The following SNX29 variants were observed in gnomAD, a reference collection of about 807,000 sequenced individuals.
The protein encoded by SNX29 is sorting nexin 29.
A neutral mutation model predicts 102.1 loss-of-function variants in SNX29; 78 were observed. The observed-to-expected ratio is 0.76, with a 90% confidence interval of 0.64 to 0.92. The LOEUF is 0.92. Among genes scored for constraint, SNX29 ranks in the 40% least tolerant of loss-of-function variants. The pLI, the probability that SNX29 is intolerant of heterozygous loss-of-function variation, is 0.00. For synonymous variants in SNX29, 580 were observed against 414.5 expected (o/e 1.40, Z -4.85); for missense variants, 1,280 against 1,061.7 (o/e 1.21, Z -2.86).
intron 18 of SNX29, among the ~76,000 whole-genome samples, chr16:12,430,385 C>G (rs574411948): frequency 6.6e-6 from 1 of 152,324 alleles, no homozygotes; most frequent in South Asian, 2.1e-4. Context: ...GGGACACTTA[C>G]ATCAGTTGCT....
At chr16:12,521,892 G>A (rs552821025) in intron 19 of SNX29, among the ~76,000 whole-genome samples, 1 of 152,324 alleles carries the variant, frequency 6.6e-6, no homozygotes, top group South Asian at 2.1e-4. Flanking sequence ...CCCGCCTCCT[G>A]CCAGGGTGTG....
chr16:12,416,935 C>G (rs1337131005), intron 18 of SNX29, among the ~76,000 whole-genome samples: 2 of 145,440 alleles, frequency 1.4e-5, no homozygotes, highest in East Asian at 3.8e-4. Flanking sequence ...ACAAACATAT[C>G]AACCCCATAA....
intron 14 of SNX29, among the ~76,000 whole-genome samples, chr16:12,229,102 C>T (rs551881319): frequency 1.3e-5 from 2 of 152,352 alleles, no homozygotes; most frequent in African/African-American, 4.8e-5. Flanking sequence ...GTACCTTGCC[C>T]CCTTCAGCAT....
intron 14 of SNX29, among the ~76,000 whole-genome samples, chr16:12,217,575 A>C (rs1339544408): frequency 6.6e-6 from 1 of 152,206 alleles, no homozygotes; most frequent in East Asian, 1.9e-4. Flanking sequence ...GCAGTGACTC[A>C]TCCCTGTTTG....
At chr16:12,550,194 G>A (rs182853325) in intron 20 of SNX29, among the ~76,000 whole-genome samples, 15 of 152,310 alleles carry the variant, frequency 9.8e-5, no homozygotes, top group Admixed American at 9.2e-4. Flanking sequence ...TTATTACTAA[G>A]AGGATAAAGC....
At chr16:12,182,716 G>C (rs926179728) in intron 13 of SNX29, among the ~76,000 whole-genome samples, 3 of 152,006 alleles carry the variant, frequency 2.0e-5, no homozygotes, top group Admixed American at 2.0e-4. Context: ...GATCACTTGA[G>C]GTCAGGAGTT....
At chr16:12,384,577 C>A (rs771605430) in intron 16 of SNX29, among the ~76,000 whole-genome samples, 30 of 152,094 alleles carry the variant, frequency 2.0e-4, no homozygotes, top group Middle Eastern at 6.8e-3. Context: ...AGATTTTTTT[C>A]TTGTTGAGTT....
Position 12,493,948 on chromosome 16 carries a change from C to T in SNX29, c.2178+16089C>T, listed in dbSNP as rs551781749. On this transcript the variant is annotated intron_variant, in intron 19 of 20. Transcript: ENST00000566228. ...TTACCGATAAGACTGATGATCTGCT[C>T]GTGATTTTTAGCCATTTGGATTTCT... Among the ~76,000 whole-genome samples, 8 of 152,264 alleles carry T rather than the reference C, an allele frequency of 5.3e-5. No individual in the cohort carries two copies. The East Asian group carries it at 1.2e-3, about 22-fold the overall frequency.
intron 11 of SNX29, among the ~76,000 whole-genome samples, chr16:12,106,316 A>G (rs1420069224): frequency 6.6e-6 from 1 of 151,664 alleles, no homozygotes; most frequent in Non-Finnish European, 1.5e-5. Context: ...TAGACAAGGT[A>G]GAATTTTCTT....
intron 20 of SNX29, among the ~76,000 whole-genome samples, chr16:12,544,496 G>C (rs960869494): frequency 1.3e-5 from 2 of 152,180 alleles, no homozygotes. Flanking sequence ...GTCGGCTGGG[G>C]TCTAGATGGC....
At chr16:12,019,960 C>G (rs2056970966) in intron 3 of SNX29, among the ~76,000 whole-genome samples, 1 of 152,014 alleles carries the variant, frequency 6.6e-6, no homozygotes, top group Non-Finnish European at 1.5e-5. Context: ...TCAAGCATAA[C>G]TGAGACCATA....
chr16:12,357,135 T>A (rs2082157583), intron 16 of SNX29, among the ~76,000 whole-genome samples: 1 of 152,256 alleles, frequency 6.6e-6, no homozygotes, highest in African/African-American at 2.4e-5. Context: ...CTTCCTCATT[T>A]TACAACTTCT....
chr16:12,046,139 T>C (rs1010169122), intron 5 of SNX29, among the ~76,000 whole-genome samples: 2 of 152,216 alleles, frequency 1.3e-5, no homozygotes, highest in African/African-American at 4.8e-5. Flanking sequence ...TGACATATCA[T>C]GTCTATTTTA....
intron 14 of SNX29, among the ~76,000 whole-genome samples, chr16:12,216,493 A>G (rs2077327214): frequency 1.3e-5 from 2 of 152,226 alleles, no homozygotes; most frequent in East Asian, 3.8e-4. Flanking sequence ...TGTGTCCGAG[A>G]TGACAAGAAG....
At chr16:12,071,132 TGATG>T (rs1213410864) in intron 10 of SNX29, among the ~76,000 whole-genome samples, 2 of 151,672 alleles carry the variant, frequency 1.3e-5, no homozygotes, top group African/African-American at 4.8e-5. Context: ...CTGTTCACTC[TGATG>T]GTAGTTTCTT....
rs2057041420 is a variant in SNX29 at position 12,022,083 on chromosome 16, G to A, written c.123-5237G>A. Reference sequence around the variant, plus strand: ...TTTATCAGACTTTTACTGAGCACCTGGGGGGAAGTTTTTTTTTTTTTTTTT... The same window carrying A: ...TTTATCAGACTTTTACTGAGCACCTAGGGGGAAGTTTTTTTTTTTTTTTTT... On this transcript the variant is annotated intron_variant, in intron 3 of 20. Coordinates refer to ENST00000566228, the MANE Select transcript of SNX29 (RefSeq NM_032167.5). 2.2e-5 allele frequency among the ~76,000 whole-genome samples: 3 copies of A among 133,494 alleles called. No homozygotes were observed. The South Asian group carries it at 6.8e-4, about 30-fold the overall frequency. The allele number at this position is 133,494 out of a possible 152,430, so 87.6% of individuals were successfully genotyped here.
intron 4 of SNX29, among the ~76,000 whole-genome samples, chr16:12,028,689 T>A (rs350223): frequency 0.27 from 41,453 of 151,860 alleles, 6,809 homozygotes; most frequent in East Asian, 0.49. Context: ...TTTAAAAAAA[T>A]TATTATTAAA....
At chr16:12,460,196 C>A (rs1396760994) in intron 18 of SNX29, among the ~76,000 whole-genome samples, 2 of 152,342 alleles carry the variant, frequency 1.3e-5, no homozygotes, top group African/African-American at 4.8e-5. Context: ...GACTTCATCA[C>A]CCAACCACGG....
At chr16:12,234,069 A>G (rs989874434) in intron 14 of SNX29, among the ~76,000 whole-genome samples, 4 of 152,186 alleles carry the variant, frequency 2.6e-5, no homozygotes, top group South Asian at 2.1e-4. Context: ...ACATTCACGT[A>G]CAAGTTGTGT....
Sources: gnomAD v4.1 joint callset for allele counts (sites outside exome capture counted in the v4.1 genomes callset) on GRCh38, gnomAD v4.1.1 for gene constraint, MANE v1.5 for transcripts, NCBI Gene and HGNC (gene_info 2026-07-23, HGNC 2026-07-21) for gene names.